VAV1: variants seen among roughly 807,000 people sequenced by gnomAD.
VAV1 encodes proto-oncogene vav.
Under a neutral mutation model 128.1 loss-of-function variants are expected in VAV1, and 33 were observed. That is an observed-to-expected ratio of 0.26 (90% CI 0.20 to 0.34). The LOEUF (loss-of-function observed/expected upper bound fraction) is 0.34. Among genes scored for constraint, VAV1 ranks in the 10% least tolerant of loss-of-function variants. The probability of loss-of-function intolerance (pLI) is 1.00; values close to 1 mark genes in which losing one functional copy is unlikely to be tolerated. For synonymous variants in VAV1, 394 were observed against 409.8 expected (o/e 0.96, Z 0.47); for missense variants, 715 against 1,093.7 (o/e 0.65, Z 4.88).
intron 1 of VAV1, among the ~76,000 whole-genome samples, chr19:6,775,502 G>A (rs1970601784): frequency 6.6e-6 from 1 of 152,286 alleles, no homozygotes; most frequent in South Asian, 2.1e-4. Context: ...ATGCAAGAGG[G>A]GACATTTGTG....
At chr19:6,852,651 G>A (rs1294950277) in intron 24 of VAV1, among the ~76,000 whole-genome samples, 2 of 151,902 alleles carry the variant, frequency 1.3e-5, no homozygotes, top group Non-Finnish European at 2.9e-5. Flanking sequence ...AACCCTGGAG[G>A]CGGAGCTTGC....
chr19:6,822,398 G>A lies in VAV1; in HGVS notation c.559-21G>A, dbSNP rs745485658. ...GGGCAGCCCCAGGCCCCCCAACACCGGCCTCTCCCCTCGCTCTCAGCCCAA... is the reference window on the plus strand; with the variant it reads ...GGGCAGCCCCAGGCCCCCCAACACCAGCCTCTCCCCTCGCTCTCAGCCCAA... On this transcript the variant is annotated intron_variant, in intron 5 of 26. Coordinates refer to ENST00000602142, the MANE Select transcript of VAV1 (RefSeq NM_005428.4). This position sits in a 1 kb window ranked among gnomAD's most constrained non-coding sequence, Gnocchi z 5.9. The A allele has an allele frequency of 4.2e-5, 66 of 1,554,484 alleles. No homozygotes were observed. The highest frequency in any genetic ancestry group is 1.5e-4 in the African/African-American group (11 of 73,368).
chr19:6,778,030 G>A (rs376942970), intron 1 of VAV1, among the ~76,000 whole-genome samples: 2 of 152,012 alleles, frequency 1.3e-5, no homozygotes, highest in African/African-American at 4.8e-5. Flanking sequence ...TCCTCCTCCC[G>A]GGTTCAAGCG....
chr19:6,847,033 C>A (rs1379971740), intron 22 of VAV1, among the ~76,000 whole-genome samples: 1 of 151,554 alleles, frequency 6.6e-6, no homozygotes, highest in Non-Finnish European at 1.5e-5. Flanking sequence ...CTTGCCTCAG[C>A]CTCCTGAATA....
In VAV1 at chr19:6,821,354, T is replaced by C. The variant is rs1177808178; in HGVS notation, c.322-268T>C. 6.6e-5 allele frequency among the ~76,000 whole-genome samples: 10 copies of C among 152,130 alleles called. No homozygotes were observed. In the East Asian group the frequency reaches 1.9e-3, roughly 29 times the overall value. ...AGGTGGAGGTTGTAGTGAGCCGAGA[T>C]GGTGCCACTGCACTCCAGCCTGGGT... is the stretch of plus-strand genomic sequence containing the variant. On this transcript the variant is annotated intron_variant, in intron 2 of 26. Transcript: ENST00000602142.
chr19:6,774,427 CTTTTTTTTTTTTT>C (rs1002823385), intron 1 of VAV1, among the ~76,000 whole-genome samples: 2 of 91,584 alleles, frequency 2.2e-5, no homozygotes, highest in African/African-American at 1.1e-4. Flanking sequence ...CGCGCCCAGC[CTTTTTTTTTTTTT>C]TTTTTTTTTT....
At chr19:6,849,310 A>G (rs1316028202) in intron 23 of VAV1, among the ~76,000 whole-genome samples, 4 of 74,126 alleles carry the variant, frequency 5.4e-5, no homozygotes, top group Non-Finnish European at 9.3e-5. Context: ...TTTTTTTGAG[A>G]TGGAGTCTCA....
intron 1 of VAV1, among the ~76,000 whole-genome samples, chr19:6,791,619 C>T (rs550262735): frequency 4.2e-4 from 64 of 152,336 alleles, no homozygotes; most frequent in African/African-American, 1.4e-3. Context: ...AAAAAATGTT[C>T]ACAGGTCACC....
At chr19:6,780,345 T>C (rs1970743063) in intron 1 of VAV1, among the ~76,000 whole-genome samples, 1 of 149,926 alleles carries the variant, frequency 6.7e-6, no homozygotes, top group African/African-American at 2.4e-5. Flanking sequence ...TATGCAGTTG[T>C]GTGTTGCTTA....
rs1430997591 is a variant in VAV1, at chr19:6,825,326, C to T, written c.747C>T (p.His249=). 2 of 1,613,218 alleles carry T rather than the reference C, an allele frequency of 1.2e-6. No individual in the cohort carries two copies. The highest frequency in any genetic ancestry group is 1.7e-5 in the Admixed American group (1 of 60,012). ...NIEDLLRVHT[H]FLKEMKEALG... is the part of the protein sequence containing the mutation. ...AGGACCTGCTTCGTGTTCATACTCACTTCCTAAAGGAGATGAAGGAAGCCC... is the reference window on the plus strand; with the variant it reads ...AGGACCTGCTTCGTGTTCATACTCATTTCCTAAAGGAGATGAAGGAAGCCC... Residue 249 remains histidine (H), a synonymous_variant, in exon 8 of 27, where the codon CAC becomes CAT. Coordinates refer to ENST00000602142, the MANE Select transcript of VAV1 (RefSeq NM_005428.4).
intron 1 of VAV1, among the ~76,000 whole-genome samples, chr19:6,790,178 A>AAAAAT (rs145836391): frequency 1.5e-4 from 23 of 151,548 alleles, no homozygotes; most frequent in East Asian, 9.8e-4. Context: ...ACTCTGTCTC[A>AAAAAT]AAAATAAAAT....
At chr19:6,799,901 A>G (rs1483564018) in intron 1 of VAV1, among the ~76,000 whole-genome samples, 1 of 151,746 alleles carries the variant, frequency 6.6e-6, no homozygotes, top group Non-Finnish European at 1.5e-5. Flanking sequence ...GCTGCTATGA[A>G]CATTCTGTAC....
chr19:6,849,863 CTT>C (rs1252611196), intron 23 of VAV1, among the ~76,000 whole-genome samples: 9 of 152,098 alleles, frequency 5.9e-5, no homozygotes, highest in African/African-American at 2.2e-4. Flanking sequence ...CGATCCATGT[CTT>C]TGCTATTGTG....
rs765599789 is a variant in VAV1 at position 6,836,482 on chromosome 19, C to G, written c.1828C>G (p.Pro610Ala). 2.5e-6 allele frequency: 4 copies of G among 1,614,102 alleles called. No homozygotes were observed. Among genetic ancestry groups the G allele is most frequent in the African/African-American group, 1.3e-5 (1 of 75,006 alleles). ...FQEYYGLPPPPGAIGPFLRLN... is the reference protein window; with the variant it reads ...FQEYYGLPPPAGAIGPFLRLN... ...GGAATACTACGGGCTTCCTCCACCC[C>G]CTGGAGCCATTGGACCCTTTCTACG... Residue 610 changes from proline to alanine, a missense_variant, in exon 20 of 27, where the codon CCT (proline) becomes GCT (alanine). Pro to Ala is a conservative substitution (Grantham distance 27). Coordinates refer to ENST00000602142, the MANE Select transcript of VAV1 (RefSeq NM_005428.4).
At chr19:6,841,483 T>C (rs1483616246) in intron 21 of VAV1, among the ~76,000 whole-genome samples, 1 of 150,538 alleles carries the variant, frequency 6.6e-6, no homozygotes, top group African/African-American at 2.4e-5. Context: ...CTTTTCTTTT[T>C]TTTTTTTTTT....
chr19:6,856,156 G>A (rs1193725808), intron 26 of VAV1, among the ~76,000 whole-genome samples: 1 of 152,252 alleles, frequency 6.6e-6, no homozygotes, highest in South Asian at 2.1e-4. Flanking sequence ...AATTAGCTGG[G>A]CATTGTGGCG....
chr19:6,784,232 G>T, intron 1 of VAV1: 1 of 653,704 alleles, frequency 1.5e-6, no homozygotes, highest in Non-Finnish European at 2.8e-6. Flanking sequence ...ACTCCAGACT[G>T]GACAAAAGAG....
At chr19:6,853,587 C>T (rs1226810227) in intron 25 of VAV1, among the ~76,000 whole-genome samples, 1 of 151,596 alleles carries the variant, frequency 6.6e-6, no homozygotes, top group African/African-American at 2.4e-5. Context: ...AAAAATCAGC[C>T]GGGCATGGTG....
At chr19:6,773,055 G>T (rs1408799110) in intron 1 of VAV1, 44 bp downstream of exon 1, 17 of 1,610,588 alleles carry the variant, frequency 1.1e-5, no homozygotes, top group East Asian at 2.2e-5. Context: ...GGAGACGGGG[G>T]TCCTCCCCGG....
Sources: gnomAD v4.1 joint callset for allele counts (sites outside exome capture counted in the v4.1 genomes callset) on GRCh38, gnomAD v4.1.1 for gene constraint, Gnocchi (gnomAD v3.1) non-coding constraint, MANE v1.5 for transcripts, NCBI Gene and HGNC (gene_info 2026-07-23, HGNC 2026-07-21) for gene names.